WDR49: variants seen among roughly 807,000 people sequenced by gnomAD.
The protein encoded by WDR49 is WD repeat domain 49, also known as cilia- and flagella-associated protein 337.
WDR49 carries 107 observed loss-of-function variants against 119.5 expected under a neutral mutation model. The observed-to-expected ratio is 0.90, with a 90% CI of 0.77 to 1.05. WDR49 has a LOEUF of 1.05. Among genes scored for constraint, WDR49 ranks in the 50% least tolerant of loss-of-function variants. WDR49 has a pLI of 0.00. For synonymous variants in WDR49, 425 were observed against 418.8 expected, an observed-to-expected ratio of 1.01 and a Z score of -0.18; for missense variants, 1,240 against 1,220.5, an observed-to-expected ratio of 1.02 and a Z score of -0.24.
chr3:167,599,291 A>G (rs1715646352), intron 7 of WDR49, among the ~76,000 whole-genome samples: 1 of 152,162 alleles, frequency 6.6e-6, no homozygotes, highest in African/African-American at 2.4e-5. Context: ...CTGGCACTCA[A>G]ACCACAAAAT....
intron 15 of WDR49, among the ~76,000 whole-genome samples, chr3:167,526,211 A>C (rs1404521257): frequency 6.6e-6 from 1 of 152,164 alleles, no homozygotes; most frequent in Non-Finnish European, 1.5e-5. Flanking sequence ...ACTTCACAGA[A>C]ACAACAAATA....
rs766943534 is a variant in WDR49 at position 167,505,297 on chromosome 3, G to GACT, written c.2884+7_2884+9dup. The GACT allele has an allele frequency of 2.6e-5, 38 of 1,484,118 alleles. No homozygotes were observed. The highest frequency in any genetic ancestry group is 3.4e-5 in the Non-Finnish European group (38 of 1,123,756). The allele number at this position is 1,484,118 out of a possible 1,614,324, so 91.9% of individuals were successfully genotyped here. A position where few individuals can be genotyped will look rare whatever the true frequency, so the allele number is the denominator to read the frequency against. Reference sequence around the variant, plus strand: ...ATTATAAAAATACATTAACAACAGTGACTACTTACTGAATGATTTTTTTAT... The same window carrying GACT: ...ATTATAAAAATACATTAACAACAGTGACTACTACTTACTGAATGATTTTTTTAT... On this transcript the variant is annotated intron_variant, in intron 17 of 18. Coordinates refer to ENST00000682715, the MANE Select transcript of WDR49 (RefSeq NM_001366157.1).
intron 18 of WDR49, among the ~76,000 whole-genome samples, chr3:167,491,084 C>T (rs1280913019): frequency 6.6e-6 from 1 of 152,070 alleles, no homozygotes; most frequent in Non-Finnish European, 1.5e-5. Flanking sequence ...CTCCCAGGAT[C>T]GTTGGGACTT....
At chr3:167,636,553 T>G (rs771290618) in intron 2 of WDR49, among the ~76,000 whole-genome samples, 1 of 151,766 alleles carries the variant, frequency 6.6e-6, no homozygotes, top group Non-Finnish European at 1.5e-5. Flanking sequence ...CTTTTAGTTC[T>G]TTAAAGAATC....
At chr3:167,615,419 GAC>G (rs1231675812) in intron 5 of WDR49, among the ~76,000 whole-genome samples, 1 of 147,580 alleles carries the variant, frequency 6.8e-6, no homozygotes, top group Non-Finnish European at 1.5e-5. Flanking sequence ...TACAGGCGTG[GAC>G]CACCACTCCC....
intron 8 of WDR49, among the ~76,000 whole-genome samples, chr3:167,575,402 A>G (rs1215308800): frequency 3.9e-5 from 6 of 152,188 alleles, no homozygotes; most frequent in African/African-American, 7.2e-5. Context: ...GGGGAGACAA[A>G]CAACACTTGT....
chr3:167,585,081 C>T (rs903121226), intron 7 of WDR49, among the ~76,000 whole-genome samples: 1 of 151,902 alleles, frequency 6.6e-6, no homozygotes, highest in Non-Finnish European at 1.5e-5. Flanking sequence ...CTAAGAAATG[C>T]TTTCCTTAGA....
In WDR49 at chr3:167,504,020, G is replaced by A. The variant is rs1751678231; in HGVS notation, c.2884+1287C>T. Reference sequence around the variant, plus strand: ...TAAGTTGCAAGCCCCATGTTTAAAGGTGGAAGCGGTCACCTTCCCAGCTAG... The same window carrying A: ...TAAGTTGCAAGCCCCATGTTTAAAGATGGAAGCGGTCACCTTCCCAGCTAG... On this transcript the variant is annotated intron_variant, in intron 17 of 18. Transcript: ENST00000682715. 2.0e-5 allele frequency among the ~76,000 whole-genome samples: 3 copies of A among 152,208 alleles called. No individual in the cohort carries two copies. The South Asian group carries it at 6.2e-4, about 31-fold the overall frequency.
chr3:167,633,354 T>C, intron 2 of WDR49: 1 of 426,610 alleles, frequency 2.3e-6, no homozygotes, highest in Non-Finnish European at 4.7e-6. Context: ...CTGCTCTTCC[T>C]CAAAGGCACA....
intron 17 of WDR49, among the ~76,000 whole-genome samples, chr3:167,501,332 G>A (rs184826123): frequency 3.9e-5 from 6 of 152,322 alleles, no homozygotes; most frequent in African/African-American, 1.4e-4. Context: ...CTGTTAAATA[G>A]CAGATCATGG....
chr3:167,488,236 T>G (rs983551266), intron 18 of WDR49, among the ~76,000 whole-genome samples: 1 of 151,378 alleles, frequency 6.6e-6, no homozygotes, highest in African/African-American at 2.4e-5. Context: ...AATCATGTCT[T>G]TTGCAGCAAT....
At chr3:167,497,210 G>T (rs546524580) in intron 18 of WDR49, among the ~76,000 whole-genome samples, 3 of 152,106 alleles carry the variant, frequency 2.0e-5, no homozygotes, top group South Asian at 4.2e-4. Flanking sequence ...ATTTTCTCTC[G>T]CAAGTAGTCA....
At chr3:167,642,288 A>G (rs533089179) in intron 2 of WDR49, among the ~76,000 whole-genome samples, 2 of 151,966 alleles carry the variant, frequency 1.3e-5, no homozygotes, top group Non-Finnish European at 2.9e-5. Context: ...CCTGTAATGC[A>G]ATATAATGCA....
At chr3:167,620,689 T>C in intron 4 of WDR49, 86 bp from the exon 5 acceptor site, 2 of 1,277,946 alleles carry the variant, frequency 1.6e-6, no homozygotes, top group Non-Finnish European at 1.0e-6. Context: ...TAATAAGGAA[T>C]AGCTATTAAC....
intron 2 of WDR49, among the ~76,000 whole-genome samples, chr3:167,634,987 C>T (rs1353921531): frequency 6.6e-6 from 1 of 151,634 alleles, no homozygotes; most frequent in Non-Finnish European, 1.5e-5. Flanking sequence ...AAAGCTATGC[C>T]TCTTATATAT....
At chr3:167,547,969 A>C (rs1712312406) in intron 10 of WDR49, among the ~76,000 whole-genome samples, 1 of 152,020 alleles carries the variant, frequency 6.6e-6, no homozygotes, top group Non-Finnish European at 1.5e-5. Flanking sequence ...GAGAAAGGAA[A>C]CTACATCAAA....
At chr3:167,482,171 A>T (rs527909328) in intron 18 of WDR49, among the ~76,000 whole-genome samples, 17 of 152,346 alleles carry the variant, frequency 1.1e-4, no homozygotes, top group African/African-American at 3.8e-4. Flanking sequence ...GGAGAAAAGT[A>T]TCTTGCATTA....
intron 7 of WDR49, among the ~76,000 whole-genome samples, chr3:167,597,197 G>C (rs1715520933): frequency 6.6e-6 from 1 of 152,238 alleles, no homozygotes; most frequent in Admixed American, 6.5e-5. Flanking sequence ...CATCCCAGCT[G>C]CTCCAGCTCC....
chr3:167,558,238 A>G (rs1258942031), intron 9 of WDR49, among the ~76,000 whole-genome samples: 2 of 152,192 alleles, frequency 1.3e-5, no homozygotes, highest in South Asian at 2.1e-4. Flanking sequence ...TCCATTTTAT[A>G]TTTCAAAAAT....
Sources: gnomAD v4.1 joint callset for allele counts (sites outside exome capture counted in the v4.1 genomes callset) on GRCh38, gnomAD v4.1.1 for gene constraint, MANE v1.5 for transcripts, NCBI Gene and HGNC (gene_info 2026-07-23, HGNC 2026-07-21) for gene names.